ZNF263: variants seen among roughly 807,000 people sequenced by gnomAD.
ZNF263 encodes zinc finger protein 263, also known as zinc finger protein FPM315.
ZNF263 carries 49 observed loss-of-function variants against 63.1 expected under a neutral mutation model. The observed-to-expected ratio is 0.78, with a 90% CI of 0.62 to 0.99. The LOEUF (loss-of-function observed/expected upper bound fraction) is 0.99. Ranked by LOEUF, ZNF263 falls within the 50% of genes least tolerant of loss-of-function variation. The probability of loss-of-function intolerance (pLI) is 0.00; values close to 1 mark genes in which losing one functional copy is unlikely to be tolerated. For synonymous variants in ZNF263, 352 were observed against 324.2 expected (o/e 1.09, Z -0.92); for missense variants, 872 against 854.8 (o/e 1.02, Z -0.25).
chr16:3,290,346 CAT>C lies in ZNF263; in HGVS notation c.1842_1843del (p.His614GlnfsTer21). 6.2e-7 allele frequency: 1 copy of C among 1,613,834 alleles called. No homozygotes were observed. The highest frequency in any genetic ancestry group is 8.5e-7 in the Non-Finnish European group (1 of 1,179,940). On this transcript the variant is annotated frameshift_variant, in exon 6 of 6. Coordinates refer to ENST00000219069, the MANE Select transcript of ZNF263 (RefSeq NM_005741.5). LOFTEE classifies it high-confidence loss of function. ...TACCCTTTGTGGGGAAAACTTCTCT[CAT>C]AGATCCAATTTAATCAGGCACCAGA... is the stretch of plus-strand genomic sequence containing the variant. ...KCTLCGENFS[H>X]RSNLIRHQRI...
Position 3,285,040 on chromosome 16 carries a change from G to C in ZNF263, c.388-19G>C. On this transcript the variant is annotated intron_variant, in intron 1 of 5. Transcript: ENST00000219069. ...CTTGGGCCCTGTTGTGATGATGAGT[G>C]ATGTGGGTTGGTTCCCAGGTCACAA... 2 of 1,613,604 alleles carry C rather than the reference G, an allele frequency of 1.2e-6. No homozygotes were observed. Among genetic ancestry groups the C allele is most frequent in the Non-Finnish European group, 1.7e-6 (2 of 1,179,634 alleles).
chr16:3,289,760 C>G lies in ZNF263; in HGVS notation c.1254C>G (p.Asn418Lys). 5 of 1,614,184 alleles carry G rather than the reference C, an allele frequency of 3.1e-6. No homozygotes were observed. Among genetic ancestry groups the G allele is most frequent in the Non-Finnish European group, 4.2e-6 (5 of 1,180,030 alleles). ...ACTGCACTGAAATCTTTGGTGGGAA[C>G]CCACGTTTCCTGTCACTACACAGAG... is the stretch of plus-strand genomic sequence containing the variant. ...GVDCTEIFGG[N>K]PRFLSLHRAH... The change falls in exon 6 of 6, where the codon AAC becomes AAG. Residue 418 changes from asparagine to lysine, a missense_variant. Asn to Lys is a moderately conservative substitution (Grantham distance 94). Transcript: ENST00000219069.
Position 3,283,671 on chromosome 16 carries a change from C to G in ZNF263, c.-148C>G. 1 of 1,281,996 alleles carries G rather than the reference C, an allele frequency of 7.8e-7. No individual in the cohort carries two copies. The highest frequency in any genetic ancestry group is 9.9e-7 in the Non-Finnish European group (1 of 1,010,058). The allele number at this position is 1,281,996 out of a possible 1,614,324, so 79.4% of individuals were successfully genotyped here. On this transcript the variant is annotated 5_prime_UTR_variant, in exon 1 of 6. Coordinates refer to ENST00000219069, the MANE Select transcript of ZNF263 (RefSeq NM_005741.5). ...GAGGCCTAGGCGCCGGAGCCGGCCG[C>G]GCCTGGGCTGGAGCGGGGCTCCTCG...
At position 3,288,505 on chromosome 16, in the gene ZNF263, G is replaced by A. The variant is rs2150773399; in HGVS notation, c.821G>A (p.Gly274Glu). 3 of 1,613,082 alleles carry A rather than the reference G, an allele frequency of 1.9e-6. No homozygotes were observed. The South Asian group carries it at 3.3e-5, about 18-fold the overall frequency. Residue 274 changes from glycine (G) to glutamate (E), a missense_variant, in exon 5 of 6, where the codon GGA becomes GAA. Physicochemically the swap from Gly to Glu is moderately conservative, Grantham distance 98. Coordinates refer to ENST00000219069, the MANE Select transcript of ZNF263 (RefSeq NM_005741.5). ...EVPGTQVGQG[G>E]KLWDPSVQSC... is the part of the protein sequence containing the mutation. ...CCAGGCACCCAGGTGGGACAAGGAGGAAAGCTATGGGATCCCAGTGTCCAG... is the reference window on the plus strand; with the variant it reads ...CCAGGCACCCAGGTGGGACAAGGAGAAAAGCTATGGGATCCCAGTGTCCAG...
chr16:3,295,760 A>G (rs559330196), downstream of ZNF263, among the ~76,000 whole-genome samples: 1 of 152,346 alleles, frequency 6.6e-6, no homozygotes, highest in Non-Finnish European at 1.5e-5. Flanking sequence ...AGGGCAACTG[A>G]AGAGGCAGAG....
In ZNF263 at chr16:3,283,990, G is replaced by T. The variant is rs781282062; in HGVS notation, c.172G>T (p.Ala58Ser). 6.2e-7 allele frequency: 1 copy of T among 1,613,888 alleles called. No individual in the cohort carries two copies. Among genetic ancestry groups the T allele is most frequent in the Admixed American group, 1.7e-5 (1 of 60,020 alleles). Residue 58 changes from alanine to serine, a missense_variant, in exon 1 of 6, where the codon GCC becomes TCC. Coordinates refer to ENST00000219069, the MANE Select transcript of ZNF263 (RefSeq NM_005741.5). Reference protein sequence around the residue: ...RFQEAAGPREALSRLQELCHG... With the variant: ...RFQEAAGPRESLSRLQELCHG... ...CCAAGAGGCAGCTGGTCCCCGGGAA[G>T]CCCTCAGCCGGCTCCAAGAGCTTTG...
downstream of ZNF263, among the ~76,000 whole-genome samples, chr16:3,291,749 T>C (rs1166922384): frequency 3.3e-5 from 5 of 152,248 alleles, no homozygotes; most frequent in Admixed American, 2.0e-4. Flanking sequence ...TAAAAATGTT[T>C]TCAATTCTTT....
chr16:3,299,986 A>C (rs1323316635), intron 2 of ZNF263: 3 of 1,614,032 alleles, frequency 1.9e-6, no homozygotes, highest in African/African-American at 1.3e-5. Flanking sequence ...AAAGGCAGAC[A>C]ACCTTTCTTT....
chr16:3,296,747 A>T (rs1237631866), intron 1 of ZNF263, among the ~76,000 whole-genome samples: 3 of 152,088 alleles, frequency 2.0e-5, no homozygotes, highest in Admixed American at 6.5e-5. Flanking sequence ...CTACTAATAA[A>T]AAAGGAACCC....
chr16:3,293,094 GCT>G (rs1287386730), downstream of ZNF263: 1 of 152,168 alleles, frequency 6.6e-6, no homozygotes, highest in Non-Finnish European at 1.5e-5. Context: ...ATACGGTTCG[GCT>G]CTGTGTCCCC....
chr16:3,286,270 C>T lies in ZNF263; in HGVS notation c.769+121C>T. 4.9e-6 allele frequency: 7 copies of T among 1,420,672 alleles called. No individual in the cohort carries two copies. In the South Asian group the frequency reaches 9.3e-5, roughly 19 times the overall value. The allele number at this position is 1,420,672 out of a possible 1,614,324, so 88.0% of individuals were successfully genotyped here. On this transcript the variant is annotated intron_variant, in intron 4 of 5. Coordinates refer to ENST00000219069, the MANE Select transcript of ZNF263 (RefSeq NM_005741.5). ...GCCAAGAAGCCTCCACAGGAGACTT[C>T]CCTTTGTCTAAAGTCCCCTGTACGA... is the stretch of plus-strand genomic sequence containing the variant.
At chr16:3,295,747 G>A (rs1386826837), downstream of ZNF263, among the ~76,000 whole-genome samples, 4 of 152,254 alleles carry the variant, frequency 2.6e-5, no homozygotes, top group Admixed American at 6.5e-5. Flanking sequence ...AGAAAAGGAA[G>A]GCAGGGCAAC....
At chr16:3,301,360 C>A (rs1350394782) in exon 3 of ZNF263, 1 of 167,068 alleles carries the variant, frequency 6.0e-6, no homozygotes, top group Non-Finnish European at 1.5e-5. Flanking sequence ...TGAATGAAAT[C>A]CAACTTTTAT....
downstream of ZNF263, among the ~76,000 whole-genome samples, chr16:3,295,455 C>T (rs1335248291): frequency 6.6e-6 from 1 of 152,304 alleles, no homozygotes; most frequent in East Asian, 1.9e-4. Context: ...GGTTCTCGCA[C>T]GCACAGCCGC....
chr16:3,294,522 A>G (rs1169802930), downstream of ZNF263, among the ~76,000 whole-genome samples: 1 of 152,150 alleles, frequency 6.6e-6, no homozygotes, highest in Non-Finnish European at 1.5e-5. Flanking sequence ...TTTACTCTTC[A>G]GTCTAGCTTG....
Position 3,289,883 on chromosome 16 carries a change from G to C in ZNF263, c.1377G>C (p.Glu459Asp). ...GCCACCAACGCACCCACACGGGTGA[G>C]AAGCCCTATCAGTGCAACATTTGCG... is the stretch of plus-strand genomic sequence containing the variant. ...LTRHQRTHTG[E>D]KPYQCNICGK... Residue 459 changes from glutamate to aspartate, a missense_variant, in exon 6 of 6, where the codon GAG (glutamate) becomes GAC (aspartate). Coordinates refer to ENST00000219069, the MANE Select transcript of ZNF263 (RefSeq NM_005741.5). The C allele has an allele frequency of 6.2e-7, 1 of 1,614,202 alleles. No individual in the cohort carries two copies. Among genetic ancestry groups the C allele is most frequent in the Non-Finnish European group, 8.5e-7 (1 of 1,180,048 alleles).
chr16:3,288,296 G>A (rs937479004), intron 4 of ZNF263, among the ~76,000 whole-genome samples, 158 bp from the exon 5 acceptor site: 2 of 151,948 alleles, frequency 1.3e-5, no homozygotes, highest in Admixed American at 6.6e-5. Flanking sequence ...TTTCTCTAGA[G>A]GTATCCACTG....
At chr16:3,294,573 G>A, downstream of ZNF263, among the ~76,000 whole-genome samples, 1 of 152,152 alleles carries the variant, frequency 6.6e-6, no homozygotes, top group Non-Finnish European at 1.5e-5. Context: ...TGAAAGGGCG[G>A]TTAATATTTC....
chr16:3,286,379 AGCC>A (rs1463019186), intron 4 of ZNF263: 1 of 476,822 alleles, frequency 2.1e-6, no homozygotes, highest in Non-Finnish European at 3.5e-6. Flanking sequence ...GGCGAGTCTG[AGCC>A]ATGTGCACTT....
Sources: gnomAD v4.1 joint callset for allele counts (sites outside exome capture counted in the v4.1 genomes callset) on GRCh38, gnomAD v4.1.1 for gene constraint, MANE v1.5 for transcripts, NCBI Gene and HGNC (gene_info 2026-07-23, HGNC 2026-07-21) for gene names.